HS6ST3: variants seen among roughly 807,000 people sequenced by gnomAD.
HS6ST3 encodes the protein heparan sulfate 6-O-sulfotransferase 3.
In HS6ST3, 12 loss-of-function variants were observed where a neutral mutation model predicts 36.7. That is an observed-to-expected ratio of 0.33 (90% CI 0.21 to 0.53). HS6ST3 has a LOEUF of 0.53. Ranked by LOEUF, HS6ST3 falls within the 20% of genes least tolerant of loss-of-function variation. HS6ST3 has a pLI of 0.95. For missense variants in HS6ST3, 584 were observed against 640.9 expected (o/e 0.91, Z 0.96); for synonymous variants, 240 against 257.5 (o/e 0.93, Z 0.65).
Position 96,173,211 on chromosome 13 carries a change from T to C in HS6ST3, c.707+81642T>C, listed in dbSNP as rs141213714. 1.4e-4 allele frequency among the ~76,000 whole-genome samples: 21 copies of C among 152,296 alleles called. No individual in the cohort carries two copies. The East Asian group carries it at 4.1e-3, about 29-fold the overall frequency. On this transcript the variant is annotated intron_variant, in intron 1 of 1. Coordinates refer to ENST00000376705, the MANE Select transcript of HS6ST3 (RefSeq NM_153456.4). ...ATGTCATTTTAGATAGTCAGGGATG[T>C]ATCTCTGTAAACTAGGTGTGATTAT...
At chr13:96,798,179 G>C (rs375843476) in intron 1 of HS6ST3, among the ~76,000 whole-genome samples, 109 of 152,132 alleles carry the variant, frequency 7.2e-4, no homozygotes, top group African/African-American at 2.5e-3. Flanking sequence ...ATGGGAAGGG[G>C]CATGGAGTTA....
intron 1 of HS6ST3, among the ~76,000 whole-genome samples, chr13:96,141,153 A>T: frequency 6.6e-6 from 1 of 152,178 alleles, no homozygotes; most frequent in Non-Finnish European, 1.5e-5. Context: ...TTCTGTGCAA[A>T]TGCAGTCGGG....
intron 1 of HS6ST3, among the ~76,000 whole-genome samples, chr13:96,638,600 T>G (rs913938774): frequency 2.0e-5 from 3 of 151,864 alleles, no homozygotes; most frequent in African/African-American, 7.3e-5. Flanking sequence ...GATCTGATGG[T>G]TTTATAAGGG....
chr13:96,685,631 A>C lies in HS6ST3; in HGVS notation c.708-146859A>C, dbSNP rs77854329. Among the ~76,000 whole-genome samples, 1,228 of 152,218 alleles carry C rather than the reference A, an allele frequency of 8.1e-3. 9 individuals carry two copies. The highest frequency in any genetic ancestry group is 0.014 in the Middle Eastern group (4 of 294). ...AGTTAGGTGTGTAATGTGTATGCAC[A>C]ATGTCCACCCGTCGGAGAGCATACC... On this transcript the variant is annotated intron_variant, in intron 1 of 1. Transcript: ENST00000376705.
intron 1 of HS6ST3, among the ~76,000 whole-genome samples, chr13:96,547,375 C>T (rs1446354620): frequency 6.6e-6 from 1 of 152,158 alleles, no homozygotes; most frequent in African/African-American, 2.4e-5. Flanking sequence ...TGCCCAGCCC[C>T]TCAGTCTAGT....
intron 1 of HS6ST3, among the ~76,000 whole-genome samples, chr13:96,659,838 C>A (rs1350671814): frequency 2.0e-5 from 3 of 152,032 alleles, no homozygotes; most frequent in Admixed American, 2.0e-4. Flanking sequence ...ACTATCTCTT[C>A]TGTTGATACA....
At chr13:96,701,939 A>G (rs1459331964) in intron 1 of HS6ST3, among the ~76,000 whole-genome samples, 3 of 152,172 alleles carry the variant, frequency 2.0e-5, no homozygotes, top group African/African-American at 7.2e-5. Context: ...TGCAGCCTAG[A>G]TGACAGAGTG....
chr13:96,783,805 G>A (rs376856301), intron 1 of HS6ST3, among the ~76,000 whole-genome samples: 1 of 152,020 alleles, frequency 6.6e-6, no homozygotes, highest in Non-Finnish European at 1.5e-5. Context: ...ATCTTGCATC[G>A]TAAGATCACA....
In HS6ST3 at chr13:96,268,459, C is replaced by T. The variant is rs184133004; in HGVS notation, c.707+176890C>T. Among the ~76,000 whole-genome samples the T allele has an allele frequency of 9.9e-5, 15 of 152,022 alleles. No individual in the cohort carries two copies. In the East Asian group the frequency reaches 2.9e-3, roughly 29 times the overall value. The stretch of plus-strand genomic sequence containing the variant: ...ATCATGAGAGCAGCATGGAGGTAAT[C>T]AACCCCCATCAATTACCTCCAACTG... On this transcript the variant is annotated intron_variant, in intron 1 of 1. Transcript: ENST00000376705.
intron 1 of HS6ST3, among the ~76,000 whole-genome samples, chr13:96,663,383 T>G (rs1330987459): frequency 6.6e-6 from 1 of 152,174 alleles, no homozygotes; most frequent in Non-Finnish European, 1.5e-5. Flanking sequence ...TGCAACTGGC[T>G]AATAAGTGCA....
chr13:96,271,262 G>C (rs889969657), intron 1 of HS6ST3, among the ~76,000 whole-genome samples: 1 of 151,874 alleles, frequency 6.6e-6, no homozygotes, highest in African/African-American at 2.4e-5. Context: ...ATGCAAATAT[G>C]TGTGTGAAGA....
intron 1 of HS6ST3, among the ~76,000 whole-genome samples, chr13:96,327,553 A>T (rs1345197338): frequency 6.6e-6 from 1 of 151,976 alleles, no homozygotes; most frequent in African/African-American, 2.4e-5. Context: ...CTGTTTTGGT[A>T]CTAGTACCAT....
intron 1 of HS6ST3, among the ~76,000 whole-genome samples, chr13:96,588,829 T>G (rs2056371846): frequency 6.6e-6 from 1 of 151,902 alleles, no homozygotes; most frequent in African/African-American, 2.4e-5. Context: ...GCAAGTGGAT[T>G]GCTTGATCCC....
intron 1 of HS6ST3, among the ~76,000 whole-genome samples, chr13:96,358,132 C>A (rs79253283): frequency 0.017 from 2,572 of 152,112 alleles, 28 homozygotes; most frequent in East Asian, 0.055. Flanking sequence ...ATATGGAAAT[C>A]TCTTTTAAAA....
rs1467303957 is a variant in HS6ST3 at position 96,658,296 on chromosome 13, T to TTTTTTTTTTTTTC, written c.708-174192_708-174191insTTTTTTTTTTCTT. ...TTTTTTTTTTTTTTTTTTTTTTTTT[T>TTTTTTTTTTTTTC]TTGAGATGGCGTCTCACTCTGTTAC... On this transcript the variant is annotated intron_variant, in intron 1 of 1. Transcript: ENST00000376705. Among the ~76,000 whole-genome samples the TTTTTTTTTTTTTC allele has an allele frequency of 4.9e-4, 43 of 87,432 alleles. 1 individual carries two copies. Among genetic ancestry groups the TTTTTTTTTTTTTC allele is most frequent in the Admixed American group, 8.3e-4 (6 of 7,208 alleles). The allele number at this position is 87,432 out of a possible 152,430, so 57.4% of individuals were successfully genotyped here. A position where few individuals can be genotyped will look rare whatever the true frequency, so the allele number is the denominator to read the frequency against.
At chr13:96,190,693 A>C (rs1321189375) in intron 1 of HS6ST3, among the ~76,000 whole-genome samples, 1 of 152,216 alleles carries the variant, frequency 6.6e-6, no homozygotes, top group African/African-American at 2.4e-5. Flanking sequence ...TAAAGGAACT[A>C]AATACAGATA....
chr13:96,348,443 AC>A (rs1298496362), intron 1 of HS6ST3, among the ~76,000 whole-genome samples: 2 of 152,252 alleles, frequency 1.3e-5, no homozygotes, highest in Non-Finnish European at 2.9e-5. Flanking sequence ...CTGAAATAGT[AC>A]TAATCAGTGA....
intron 1 of HS6ST3, among the ~76,000 whole-genome samples, chr13:96,687,339 G>T (rs1436535472): frequency 6.6e-6 from 1 of 151,926 alleles, no homozygotes; most frequent in Non-Finnish European, 1.5e-5. Context: ...ATAACACATG[G>T]TGTGTTCTTT....
chr13:96,506,640 C>G (rs2056027837), intron 1 of HS6ST3, among the ~76,000 whole-genome samples: 2 of 152,144 alleles, frequency 1.3e-5, no homozygotes, highest in African/African-American at 2.4e-5. Flanking sequence ...CATGTTATTT[C>G]TGCTCCTGTG....
Sources: allele counts gnomAD v4.1 joint callset (sites outside exome capture counted in the v4.1 genomes callset), GRCh38; gene constraint gnomAD v4.1.1; transcripts MANE v1.5; gene names NCBI Gene and HGNC (gene_info 2026-07-23, HGNC 2026-07-21).